Variants in KCNN2 observed in about 807,000 individuals in gnomAD.
KCNN2 encodes potassium calcium-activated channel subfamily N member 2, also known as small conductance calcium-activated potassium channel protein 2.
A neutral mutation model predicts 55.5 loss-of-function variants in KCNN2; 24 were observed. The observed-to-expected ratio is 0.43, with a 90% CI of 0.31 to 0.61. The LOEUF (loss-of-function observed/expected upper bound fraction) is 0.61, where lower values mean the gene tolerates loss of function less well. Among genes scored for constraint, KCNN2 ranks in the 20% least tolerant of loss-of-function variants. The pLI, the probability that KCNN2 is intolerant of heterozygous loss-of-function variation, is 0.08. For missense variants in KCNN2, 754 were observed against 853.6 expected (o/e 0.88, Z 1.45); for synonymous variants, 431 against 336.1 (o/e 1.28, Z -3.09).
intron 1 of KCNN2, among the ~76,000 whole-genome samples, chr5:114,149,222 AC>A (rs1165627966): frequency 1.3e-5 from 2 of 152,020 alleles, no homozygotes; most frequent in Non-Finnish European, 2.9e-5. Flanking sequence ...CAGTTGACAA[AC>A]CTGAAAAGAG....
intron 2 of KCNN2, among the ~76,000 whole-genome samples, chr5:114,291,915 T>A (rs1014759046): frequency 6.6e-5 from 10 of 152,192 alleles, no homozygotes; most frequent in Non-Finnish European, 1.0e-4. Flanking sequence ...TCATTGTGGT[T>A]TTGATTTGCA....
chr5:114,235,826 C>T (rs1026469958), intron 2 of KCNN2, among the ~76,000 whole-genome samples: 2 of 152,178 alleles, frequency 1.3e-5, no homozygotes, highest in Admixed American at 6.5e-5. Context: ...AGACCCTGTA[C>T]TAATACTTTG....
At chr5:114,271,739 T>G (rs1292489944) in intron 2 of KCNN2, among the ~76,000 whole-genome samples, 1 of 152,282 alleles carries the variant, frequency 6.6e-6, no homozygotes, top group South Asian at 2.1e-4. Flanking sequence ...TATATAACAT[T>G]TTTTAAAATT....
chr5:114,442,047 CAAATT>C (rs1366412143), intron 3 of KCNN2, among the ~76,000 whole-genome samples: 1 of 151,780 alleles, frequency 6.6e-6, no homozygotes, highest in Non-Finnish European at 1.5e-5. Flanking sequence ...TTCTCAAACA[CAAATT>C]AAAAAGAGAA....
chr5:114,237,256 TCACACA>T (rs10643853), intron 2 of KCNN2, among the ~76,000 whole-genome samples: 7,754 of 138,534 alleles, frequency 0.056, 359 homozygotes, highest in African/African-American at 0.13. Context: ...TTGTCAAAAT[TCACACA>T]CACACACACA....
intron 1 of KCNN2, among the ~76,000 whole-genome samples, chr5:114,089,383 C>T (rs932974959): frequency 4.6e-5 from 7 of 152,124 alleles, no homozygotes; most frequent in African/African-American, 9.7e-5. Context: ...TTGAGTGTGA[C>T]GTCTTCAATC....
intron 1 of KCNN2, among the ~76,000 whole-genome samples, chr5:114,217,309 A>G (rs1021604662): frequency 3.3e-5 from 5 of 152,156 alleles, no homozygotes; most frequent in African/African-American, 1.2e-4. Context: ...ATACCGAAGA[A>G]AAACAAAGTT....
At chr5:114,204,514 G>T (rs1489175316) in intron 1 of KCNN2, among the ~76,000 whole-genome samples, 1 of 152,208 alleles carries the variant, frequency 6.6e-6, no homozygotes, top group Non-Finnish European at 1.5e-5. Flanking sequence ...CCTCCTAGAA[G>T]TAACTTCTTC....
intron 1 of KCNN2, among the ~76,000 whole-genome samples, chr5:114,146,795 T>G (rs1427398773): frequency 1.3e-5 from 2 of 152,180 alleles, no homozygotes; most frequent in East Asian, 1.9e-4. Context: ...GTTCTGCATC[T>G]GTAATGGCTA....
chr5:114,073,600 T>C (rs1447906632), intron 1 of KCNN2, among the ~76,000 whole-genome samples: 1 of 152,142 alleles, frequency 6.6e-6, no homozygotes. Flanking sequence ...CCTCTCCTCA[T>C]CCCCACAGTC....
intron 2 of KCNN2, among the ~76,000 whole-genome samples, chr5:114,330,241 CT>C (rs1278704104): frequency 6.6e-6 from 1 of 152,174 alleles, no homozygotes; most frequent in African/African-American, 2.4e-5. Flanking sequence ...GTCAAGCTTA[CT>C]GAGCTTAGTT....
At chr5:114,446,104 G>A (rs971585666) in intron 3 of KCNN2, among the ~76,000 whole-genome samples, 1 of 152,304 alleles carries the variant, frequency 6.6e-6, no homozygotes, top group East Asian at 1.9e-4. Context: ...AACTAGGGGA[G>A]TACTACCTGT....
chr5:114,148,334 T>G (rs1238243226), intron 1 of KCNN2, among the ~76,000 whole-genome samples: 2 of 152,192 alleles, frequency 1.3e-5, no homozygotes, highest in Non-Finnish European at 2.9e-5. Context: ...TCCATTTTCC[T>G]GACTTTTTTT....
At chr5:114,309,678 A>G (rs989557809) in intron 2 of KCNN2, among the ~76,000 whole-genome samples, 1 of 152,156 alleles carries the variant, frequency 6.6e-6, no homozygotes, top group African/African-American at 2.4e-5. Context: ...GCTAACAGGG[A>G]TATGGAAAGT....
rs533705310 is a variant in KCNN2, at chr5:114,096,234, C to T, written c.-271+39734C>T. Among the ~76,000 whole-genome samples, 5 of 152,202 alleles carry T rather than the reference C, an allele frequency of 3.3e-5. No homozygotes were observed. In the South Asian group the frequency reaches 6.2e-4, roughly 19 times the overall value. ...TACCTTTTCCTAAGGATTATTTTAA[C>T]GTTTCAGTGAGATCAGGCATTTAAA... On this transcript the variant is annotated intron_variant, in intron 1 of 10. Coordinates refer to the KCNN2 transcript ENST00000512097.
chr5:114,371,935 C>T (rs939320962), intron 2 of KCNN2, among the ~76,000 whole-genome samples: 1 of 152,152 alleles, frequency 6.6e-6, no homozygotes, highest in Admixed American at 6.6e-5. Context: ...CATTGCTTCA[C>T]AGAAATTTGC....
At chr5:114,244,423 T>C (rs5022986) in intron 2 of KCNN2, among the ~76,000 whole-genome samples, 121,680 of 151,804 alleles carry the variant, frequency 0.8, 49,055 homozygotes, top group East Asian at 0.9. Context: ...TAGTGAAACC[T>C]TGTCTCTGCT....
At chr5:114,113,819 C>G (rs775502798) in intron 1 of KCNN2, among the ~76,000 whole-genome samples, 1 of 152,056 alleles carries the variant, frequency 6.6e-6, no homozygotes, top group Non-Finnish European at 1.5e-5. Context: ...AAAACTTCCT[C>G]GCAGGAGGGA....
intron 1 of KCNN2, among the ~76,000 whole-genome samples, chr5:114,149,293 A>G (rs1391671274): frequency 6.6e-6 from 1 of 152,178 alleles, no homozygotes; most frequent in Non-Finnish European, 1.5e-5. Context: ...ACTAGTCATC[A>G]TGAACCCACA....
Sources: gnomAD v4.1 joint callset for allele counts (sites outside exome capture counted in the v4.1 genomes callset) on GRCh38, gnomAD v4.1.1 for gene constraint, MANE v1.5 for transcripts, NCBI Gene and HGNC (gene_info 2026-07-23, HGNC 2026-07-21) for gene names.